TSHZ3: variants seen among roughly 807,000 people sequenced by gnomAD.
The protein encoded by TSHZ3 is teashirt homolog 3.
In TSHZ3, 10 loss-of-function variants were observed where a neutral mutation model predicts 64.5. That is an observed-to-expected ratio of 0.16 (90% CI 0.10 to 0.26). The LOEUF (loss-of-function observed/expected upper bound fraction) is 0.26, where lower values mean the gene tolerates loss of function less well. Ranked by LOEUF, TSHZ3 falls within the 10% of genes least tolerant of loss-of-function variation. The probability of loss-of-function intolerance (pLI) is 1.00; values close to 1 mark genes in which losing one functional copy is unlikely to be tolerated. For synonymous variants in TSHZ3, 608 were observed against 593.1 expected (o/e 1.03, Z -0.36); for missense variants, 1,242 against 1,421.7 (o/e 0.87, Z 2.03).
intron 1 of TSHZ3, among the ~76,000 whole-genome samples, chr19:31,257,496 C>T (rs563475240): frequency 2.0e-5 from 3 of 152,332 alleles, no homozygotes; most frequent in South Asian, 4.1e-4. Context: ...CCATCAAATT[C>T]ACCACTGCTG....
chr19:31,214,801 G>C (rs934848611), intron 4 of TSHZ3, among the ~76,000 whole-genome samples: 1 of 151,704 alleles, frequency 6.6e-6, no homozygotes. Flanking sequence ...CCAGCTACTC[G>C]GGAGGCTGAG....
At chr19:31,173,286 C>T (rs1194217556) in intron 5 of TSHZ3, among the ~76,000 whole-genome samples, 1 of 152,100 alleles carries the variant, frequency 6.6e-6, no homozygotes, top group African/African-American at 2.4e-5. Context: ...ACAGAGGAGA[C>T]AAGATGACTT....
intron 5 of TSHZ3, among the ~76,000 whole-genome samples, chr19:31,203,835 T>C (rs1975122910): frequency 6.6e-6 from 1 of 151,788 alleles, no homozygotes; most frequent in Non-Finnish European, 1.5e-5. Flanking sequence ...CCCTCTCTTC[T>C]CTCCTTCCTT....
At position 31,277,993 on chromosome 19, in the gene TSHZ3, G is replaced by C; in HGVS notation, c.1800C>G (p.Ser600=). 1 of 1,614,106 alleles carries C rather than the reference G, an allele frequency of 6.2e-7. No individual in the cohort carries two copies. The highest frequency in any genetic ancestry group is 8.5e-7 in the Non-Finnish European group (1 of 1,179,954). ...TLVSPPSSQT[S]PMPKTNFHAM... Reference sequence around the variant, plus strand: ...CATGAAAGTTTGTCTTGGGCATGGGGGACGTCTGGCTGCTGGGTGGAGAGA... The same window carrying C: ...CATGAAAGTTTGTCTTGGGCATGGGCGACGTCTGGCTGCTGGGTGGAGAGA... Residue 600 remains serine, a synonymous_variant, in exon 2 of 2, where the codon TCC becomes TCG. Coordinates refer to ENST00000240587, the MANE Select transcript of TSHZ3 (RefSeq NM_020856.4). The surrounding 1 kb of genome is among the most constrained non-coding windows in gnomAD (Gnocchi z 4.5).
intron 5 of TSHZ3, among the ~76,000 whole-genome samples, chr19:31,187,826 T>C (rs1974836519): frequency 6.6e-6 from 1 of 152,126 alleles, no homozygotes; most frequent in Non-Finnish European, 1.5e-5. Context: ...CTTGATAACT[T>C]TAGTTTCACA....
intron 1 of TSHZ3, among the ~76,000 whole-genome samples, chr19:31,289,478 T>A (rs939435539): frequency 6.6e-6 from 1 of 152,136 alleles, no homozygotes; most frequent in African/African-American, 2.4e-5. Flanking sequence ...AGAGATGATG[T>A]CAGAAGCACG....
chr19:31,294,506 C>T (rs1035934409), intron 1 of TSHZ3, among the ~76,000 whole-genome samples: 9 of 152,170 alleles, frequency 5.9e-5, no homozygotes, highest in African/African-American at 2.2e-4. Context: ...ACCCAGGCCT[C>T]ACTAGTGTGC....
intron 1 of TSHZ3, among the ~76,000 whole-genome samples, chr19:31,304,034 G>A (rs756432212): frequency 6.6e-6 from 1 of 151,128 alleles, no homozygotes; most frequent in Non-Finnish European, 1.5e-5. Flanking sequence ...GAGTGCAATA[G>A]TGCCATCTTG....
chr19:31,280,832 C>T (rs950868754), intron 1 of TSHZ3, among the ~76,000 whole-genome samples: 1 of 152,204 alleles, frequency 6.6e-6, no homozygotes, highest in African/African-American at 2.4e-5. Context: ...AGAATACTTG[C>T]GTTAATGCAA....
At chr19:31,151,586 G>A (rs1974239881) in exon 7 of TSHZ3, among the ~76,000 whole-genome samples, 1 of 152,132 alleles carries the variant, frequency 6.6e-6, no homozygotes, top group African/African-American at 2.4e-5. Flanking sequence ...ATTCCATAAG[G>A]AGAACAAAGG....
chr19:31,294,107 A>G (rs1976622646), intron 1 of TSHZ3, among the ~76,000 whole-genome samples: 2 of 152,182 alleles, frequency 1.3e-5, no homozygotes, highest in African/African-American at 4.8e-5. Context: ...CTTGGAGAGA[A>G]GATGTTCCCA....
At chr19:31,183,432 G>A (rs1194627473) in intron 5 of TSHZ3, among the ~76,000 whole-genome samples, 3 of 152,118 alleles carry the variant, frequency 2.0e-5, no homozygotes, top group African/African-American at 2.4e-5. Flanking sequence ...CTTGCTCTGA[G>A]TGAAGACTAC....
intron 1 of TSHZ3, among the ~76,000 whole-genome samples, chr19:31,246,733 T>G (rs545417341): frequency 6.6e-6 from 1 of 152,216 alleles, no homozygotes; most frequent in South Asian, 2.1e-4. Context: ...ACGAGCATAC[T>G]TAGCATGGAG....
intron 5 of TSHZ3, among the ~76,000 whole-genome samples, chr19:31,198,352 A>T (rs1975022341): frequency 1.3e-5 from 2 of 152,074 alleles, no homozygotes; most frequent in South Asian, 4.1e-4. Context: ...AGAGAAACTC[A>T]AAGCTTTCCC....
downstream of TSHZ3, among the ~76,000 whole-genome samples, chr19:31,271,813 A>T (rs1232712161): frequency 6.6e-6 from 1 of 152,218 alleles, no homozygotes; most frequent in Non-Finnish European, 1.5e-5. Context: ...TTACCAAAAG[A>T]ATAACTATCT....
At chr19:31,159,023 G>A (rs753548072) in intron 5 of TSHZ3, among the ~76,000 whole-genome samples, 5 of 151,746 alleles carry the variant, frequency 3.3e-5, no homozygotes, top group African/African-American at 4.9e-5. Flanking sequence ...GTTTTGAGAC[G>A]GACTCTGGCT....
chr19:31,265,512 T>C (rs982630678), intron 1 of TSHZ3, among the ~76,000 whole-genome samples: 1 of 151,668 alleles, frequency 6.6e-6, no homozygotes, highest in African/African-American at 2.4e-5. Context: ...TAAATTGAAG[T>C]CCTTGAATCA....
chr19:31,322,109 C>T, intron 1 of TSHZ3, among the ~76,000 whole-genome samples: 1 of 152,094 alleles, frequency 6.6e-6, no homozygotes, highest in East Asian at 1.9e-4. Context: ...TGTTAGTTTG[C>T]TAAGAATAAT....
chr19:31,340,338 C>CAAAA (rs1160334453), intron 1 of TSHZ3, among the ~76,000 whole-genome samples: 8 of 32,752 alleles, frequency 2.4e-4, no homozygotes, highest in South Asian at 2.3e-3. Context: ...GCCTACAGTA[C>CAAAA]AAAAAAAAAA....
Sources: gnomAD v4.1 joint callset for allele counts (sites outside exome capture counted in the v4.1 genomes callset) on GRCh38, gnomAD v4.1.1 for gene constraint, Gnocchi (gnomAD v3.1) non-coding constraint, MANE v1.5 for transcripts, NCBI Gene and HGNC (gene_info 2026-07-23, HGNC 2026-07-21) for gene names.